Variants in CPNE2 observed in about 807,000 individuals in gnomAD.
CPNE2 encodes the protein copine 2, also known as copine-2.
In CPNE2, 42 loss-of-function variants were observed where a neutral mutation model predicts 69.7. The ratio of observed to expected loss-of-function variants is 0.60; its 90% CI spans 0.47 to 0.78. CPNE2 has a LOEUF of 0.78. Among genes scored for constraint, CPNE2 ranks in the 30% least tolerant of loss-of-function variants. The pLI is 0.00. For missense variants in CPNE2, 587 were observed against 732.0 expected, an observed-to-expected ratio of 0.80 and a Z score of 2.29; for synonymous variants, 294 against 289.8, an observed-to-expected ratio of 1.01 and a Z score of -0.15.
At chr16:57,124,739 T>TC (rs777491598) in intron 10 of CPNE2, 198 of 242,796 alleles carry the variant, frequency 8.2e-4, no homozygotes, top group Admixed American at 1.9e-3. Context: ...GTCTCACCGT[T>TC]CCCCATCACC....
intron 9 of CPNE2, among the ~76,000 whole-genome samples, chr16:57,121,978 C>T (rs531981813): frequency 1.3e-5 from 2 of 152,264 alleles, no homozygotes; most frequent in Non-Finnish European, 2.9e-5. Flanking sequence ...CAGGGTTACT[C>T]TTCTCTCACA....
chr16:57,098,362 C>T (rs1366737390), intron 1 of CPNE2, among the ~76,000 whole-genome samples: 3 of 152,242 alleles, frequency 2.0e-5, no homozygotes, highest in Non-Finnish European at 4.4e-5. Flanking sequence ...TGATTTGTGT[C>T]AAGGTGCCGC....
intron 12 of CPNE2, among the ~76,000 whole-genome samples, chr16:57,131,092 C>T (rs2069835485): frequency 6.6e-6 from 1 of 152,150 alleles, no homozygotes; most frequent in South Asian, 2.1e-4. Flanking sequence ...GGGCAATAAA[C>T]TGAGGCTTGG....
chr16:57,096,318 T>C (rs2069577847), intron 1 of CPNE2, among the ~76,000 whole-genome samples: 1 of 151,942 alleles, frequency 6.6e-6, no homozygotes, highest in African/African-American at 2.4e-5. Flanking sequence ...CCAACCAGAG[T>C]TTGAAACCCA....
At chr16:57,121,441 C>T (rs993885279) in intron 8 of CPNE2, among the ~76,000 whole-genome samples, 3 of 152,164 alleles carry the variant, frequency 2.0e-5, no homozygotes, top group Non-Finnish European at 2.9e-5. Context: ...CCATTTAAGT[C>T]ATTCCGTGAT....
intron 5 of CPNE2, 40 bp downstream of exon 5, chr16:57,117,607 G>A: frequency 1.9e-6 from 3 of 1,600,882 alleles, no homozygotes; most frequent in Non-Finnish European, 2.6e-6. Context: ...GGGAACAGTA[G>A]CCCCCACCAG....
Position 57,092,770 on chromosome 16 carries a change from GT to G in CPNE2, c.-55del, listed in dbSNP as rs2069552232. On this transcript the variant is annotated 5_prime_UTR_variant, in exon 1 of 16. Coordinates refer to ENST00000290776, the MANE Select transcript of CPNE2 (RefSeq NM_152727.6). The surrounding 1 kb of genome is among the most constrained non-coding windows in gnomAD (Gnocchi z 5.3). The stretch of plus-strand genomic sequence containing the variant: ...CAGCGGCAGCCGTGCGGTGAGGGCG[GT>G]GGCGCCCGCGGGACCTGCGGTGAGT... 1 of 151,498 alleles carries G rather than the reference GT, an allele frequency of 6.6e-6. No homozygotes were observed. The highest frequency in any genetic ancestry group is 1.5e-5 in the Non-Finnish European group (1 of 67,884). 9.4% of individuals were successfully genotyped at this position (151,498 alleles called of 1,614,324 possible).
chr16:57,146,258 C>A lies in CPNE2; in HGVS notation c.1476C>A (p.Ser492=). The A allele has an allele frequency of 6.4e-7, 1 of 1,557,816 alleles. No homozygotes were observed. The highest frequency in any genetic ancestry group is 1.4e-5 in the African/African-American group (1 of 73,508). ...ATGGGGACAGCCGCATGCTGCGCTCCCACACGGGGGAGGAGGCAGCCCGCG... is the reference window on the plus strand; with the variant it reads ...ATGGGGACAGCCGCATGCTGCGCTCACACACGGGGGAGGAGGCAGCCCGCG... ...FLDGDSRMLR[S]HTGEEAARDI... Residue 492 remains serine, a synonymous_variant, in exon 15 of 16, where the codon TCC becomes TCA. Transcript: ENST00000290776. This position sits in a 1 kb window ranked among gnomAD's most constrained non-coding sequence, Gnocchi z 4.4.
At chr16:57,122,112 G>A (rs1352807876) in intron 9 of CPNE2, among the ~76,000 whole-genome samples, 1 of 152,228 alleles carries the variant, frequency 6.6e-6, no homozygotes. Flanking sequence ...CATTGGGTGG[G>A]GACACCCTGT....
At position 57,108,241 on chromosome 16, in the gene CPNE2, A is replaced by C. The variant is rs75096576; in HGVS notation, c.-35-2467A>C. Among the ~76,000 whole-genome samples the C allele has an allele frequency of 8.2e-3, 1,243 of 152,246 alleles. 15 individuals are homozygous for C. The highest frequency in any genetic ancestry group is 0.028 in the African/African-American group (1,160 of 41,534). On this transcript the variant is annotated intron_variant, in intron 1 of 15. Coordinates refer to ENST00000290776, the MANE Select transcript of CPNE2 (RefSeq NM_152727.6). ...TTGGGACCTAATAGATGCTCAGTACACCCTCTAGAGTGAATGAAAGCCTCA... is the reference window on the plus strand; with the variant it reads ...TTGGGACCTAATAGATGCTCAGTACCCCCTCTAGAGTGAATGAAAGCCTCA...
intron 1 of CPNE2, among the ~76,000 whole-genome samples, chr16:57,102,815 T>C (rs2069622976): frequency 6.6e-6 from 1 of 152,004 alleles, no homozygotes; most frequent in Non-Finnish European, 1.5e-5. Flanking sequence ...TTGGCCAGGC[T>C]AGTCTTGAGC....
Position 57,147,535 on chromosome 16 carries a change from C to T in CPNE2, c.1540-16C>T, listed in dbSNP as rs762047717. On this transcript the variant is annotated splice_polypyrimidine_tract_variant and intron_variant, in intron 15 of 15. Coordinates refer to ENST00000290776, the MANE Select transcript of CPNE2 (RefSeq NM_152727.6). ...TATTCTCTCTCTTCCCCACCCCACC[C>T]TCCTCCACCCTGCAGGCAGCAAAAG... 1.3e-6 allele frequency: 2 copies of T among 1,561,906 alleles called. No homozygotes were observed. The highest frequency in any genetic ancestry group is 1.4e-5 in the African/African-American group (1 of 73,886).
At chr16:57,124,889 C>T (rs936202193) in intron 10 of CPNE2, 7 of 233,946 alleles carry the variant, frequency 3.0e-5, no homozygotes, top group South Asian at 2.7e-4. Context: ...TCCTCCTGCA[C>T]GAGTTTGTTC....
At chr16:57,093,522 C>T (rs137944818) in intron 1 of CPNE2, among the ~76,000 whole-genome samples, 1,567 of 152,108 alleles carry the variant, frequency 0.01, 13 homozygotes, top group Non-Finnish European at 0.014. Context: ...CCCCCAGCCT[C>T]GCTCCACGTC....
Position 57,146,066 on chromosome 16 carries a change from G to C in CPNE2, c.1303-19G>C. 1.3e-6 allele frequency: 2 copies of C among 1,595,246 alleles called. No homozygotes were observed. The highest frequency in any genetic ancestry group is 2.3e-5 in the South Asian group (2 of 88,410). On this transcript the variant is annotated intron_variant, in intron 14 of 15. Coordinates refer to ENST00000290776, the MANE Select transcript of CPNE2 (RefSeq NM_152727.6). The surrounding 1 kb of genome is among the most constrained non-coding windows in gnomAD (Gnocchi z 4.4). ...GAGCCTCGACCTTGCTGAGTGCCCC[G>C]TTGGCCCCCTCCCTGCAGCAGTACT...
intron 3 of CPNE2, among the ~76,000 whole-genome samples, 199 bp downstream of exon 3, chr16:57,113,666 C>T (rs1279483617): frequency 2.0e-5 from 3 of 152,268 alleles, no homozygotes; most frequent in African/African-American, 7.2e-5. Flanking sequence ...AACAGAATGC[C>T]TCTCAGGATC....
At position 57,115,471 on chromosome 16, in the gene CPNE2, C is replaced by A; in HGVS notation, c.361-5C>A. ...ACTGAGCGCCCTTTCTCCTCTCTCC[C>A]CTAGATCGTCTCCAGCAAGAAGATC... On this transcript the variant is annotated splice_polypyrimidine_tract_variant and splice_region_variant and intron_variant, in intron 3 of 15. Transcript: ENST00000290776. 1 of 1,610,814 alleles carries A rather than the reference C, an allele frequency of 6.2e-7. No homozygotes were observed. Among genetic ancestry groups the A allele is most frequent in the South Asian group, 1.1e-5 (1 of 90,700 alleles).
chr16:57,118,938 T>G (rs533367059), intron 5 of CPNE2, among the ~76,000 whole-genome samples: 1 of 151,948 alleles, frequency 6.6e-6, no homozygotes, highest in Non-Finnish European at 1.5e-5. Flanking sequence ...CTCTGAGTCT[T>G]GGAGGGTCTC....
At chr16:57,119,374 G>C (rs992508710) in intron 6 of CPNE2, 96 bp downstream of exon 6, 3 of 1,351,408 alleles carry the variant, frequency 2.2e-6, no homozygotes, top group Non-Finnish European at 3.2e-6. Flanking sequence ...CAGCCGCTCA[G>C]TGTGCAGGAA....
Sources: allele counts gnomAD v4.1 joint callset (sites outside exome capture counted in the v4.1 genomes callset), GRCh38; gene constraint gnomAD v4.1.1; non-coding constraint Gnocchi (gnomAD v3.1); transcripts MANE v1.5; gene names NCBI Gene and HGNC (gene_info 2026-07-23, HGNC 2026-07-21).